Variants in CDYL2 observed in about 807,000 individuals in gnomAD.
CDYL2 encodes the protein chromodomain Y like 2.
Under a neutral mutation model 49.4 loss-of-function variants are expected in CDYL2, and 23 were observed. The ratio of observed to expected loss-of-function variants is 0.47; its 90% CI spans 0.34 to 0.66. The LOEUF is 0.66. Ranked by LOEUF, CDYL2 falls within the 30% of genes least tolerant of loss-of-function variation. The pLI, the probability that CDYL2 is intolerant of heterozygous loss-of-function variation, is 0.01. For missense variants in CDYL2, 678 were observed against 656.4 expected (o/e 1.03, Z -0.36); for synonymous variants, 360 against 268.8 (o/e 1.34, Z -3.32).
At chr16:80,621,713 C>T (rs915081418) in intron 3 of CDYL2, among the ~76,000 whole-genome samples, 13 of 152,202 alleles carry the variant, frequency 8.5e-5, no homozygotes, top group African/African-American at 2.4e-4. Context: ...AGTAAAGGTG[C>T]CATCTGACAT....
intron 1 of CDYL2, among the ~76,000 whole-genome samples, chr16:80,738,953 C>T (rs185965997): frequency 6.6e-5 from 10 of 152,252 alleles, no homozygotes; most frequent in Admixed American, 5.9e-4. Context: ...TTGTCTTCAG[C>T]TGTAAAAGAT....
chr16:80,719,402 C>G (rs73595123), intron 1 of CDYL2, among the ~76,000 whole-genome samples: 158 of 152,254 alleles, frequency 1.0e-3, no homozygotes, highest in African/African-American at 3.6e-3. Context: ...AGTGAGTGCA[C>G]TCAGCACAGG....
At chr16:80,652,101 C>G (rs1908608658) in intron 2 of CDYL2, among the ~76,000 whole-genome samples, 1 of 152,148 alleles carries the variant, frequency 6.6e-6, no homozygotes, top group African/African-American at 2.4e-5. Flanking sequence ...GCTCTCTCAG[C>G]TGAGAGGGCC....
chr16:80,728,559 A>G (rs1392846205), intron 1 of CDYL2, among the ~76,000 whole-genome samples: 1 of 152,180 alleles, frequency 6.6e-6, no homozygotes, highest in African/African-American at 2.4e-5. Context: ...CCAATCTAGC[A>G]AGGCAGGCCA....
rs1006316125 is a variant in CDYL2 at position 80,601,887 on chromosome 16, T to C, written c.*2501A>G. Reference sequence around the variant, plus strand: ...CCTTAATCTTCAGAGATCCTTGAAATGTTTAGAAGTTTGGATTTGATAGTA... The same window carrying C: ...CCTTAATCTTCAGAGATCCTTGAAACGTTTAGAAGTTTGGATTTGATAGTA... On this transcript the variant is annotated 3_prime_UTR_variant, in exon 7 of 7. Transcript: ENST00000570137. The C allele has an allele frequency of 2.0e-5, 3 of 152,168 alleles. No individual in the cohort carries two copies. The highest frequency in any genetic ancestry group is 1.9e-4 in the East Asian group (1 of 5,180). 9.4% of individuals were successfully genotyped at this position (152,168 alleles called of 1,614,324 possible).
intron 1 of CDYL2, among the ~76,000 whole-genome samples, chr16:80,753,802 C>T (rs898205206): frequency 1.3e-5 from 2 of 152,026 alleles, no homozygotes; most frequent in African/African-American, 2.4e-5. Flanking sequence ...ATTAAAATGA[C>T]GAATGTCTGC....
At position 80,599,483 on chromosome 16, in the gene CDYL2, A is replaced by G. The variant is rs1905985020; in HGVS notation, c.*4905T>C. 1 of 152,188 alleles carries G rather than the reference A, an allele frequency of 6.6e-6. No homozygotes were observed. The highest frequency in any genetic ancestry group is 1.5e-5 in the Non-Finnish European group (1 of 68,034). The allele number at this position is 152,188 out of a possible 1,614,324, so 9.4% of individuals were successfully genotyped here. ...AGTCCTGGATAGACATATTCAGCTG[A>G]TATGTTATGTTCTACATTTAGTTTG... On this transcript the variant is annotated 3_prime_UTR_variant, in exon 7 of 7. Coordinates refer to ENST00000570137, the MANE Select transcript of CDYL2 (RefSeq NM_152342.4).
intron 1 of CDYL2, among the ~76,000 whole-genome samples, chr16:80,727,219 G>A (rs1051212905): frequency 2.6e-5 from 4 of 152,238 alleles, no homozygotes; most frequent in Non-Finnish European, 4.4e-5. Context: ...CCAGACAGTG[G>A]GCACAGGTCA....
chr16:80,748,405 T>C (rs1386979221), intron 1 of CDYL2, among the ~76,000 whole-genome samples: 1 of 146,230 alleles, frequency 6.8e-6, no homozygotes, highest in Admixed American at 7.0e-5. Flanking sequence ...CAGGCGCCTG[T>C]AGTACCAGCT....
rs192720969 is a variant in CDYL2 at position 80,782,580 on chromosome 16, G to A, written c.24+21570C>T. ...ACAGGCCAATATCCCTGACAATATA[G>A]ATGCAAAAAATTCTCAACAAAATAC... On this transcript the variant is annotated intron_variant, in intron 1 of 6. Coordinates refer to ENST00000570137, the MANE Select transcript of CDYL2 (RefSeq NM_152342.4). 1.7e-4 allele frequency among the ~76,000 whole-genome samples: 19 copies of A among 111,984 alleles called. No homozygotes were observed. In the East Asian group the frequency reaches 4.2e-3, roughly 25 times the overall value. The allele number at this position is 111,984 out of a possible 152,430, so 73.5% of individuals were successfully genotyped here.
chr16:80,730,753 C>A (rs962440422), intron 1 of CDYL2, among the ~76,000 whole-genome samples: 1 of 152,088 alleles, frequency 6.6e-6, no homozygotes, highest in Non-Finnish European at 1.5e-5. Context: ...TGTATCTAAG[C>A]AATGAGCTAT....
chr16:80,719,582 C>G (rs957607741), intron 1 of CDYL2, among the ~76,000 whole-genome samples: 1 of 152,192 alleles, frequency 6.6e-6, no homozygotes, highest in Non-Finnish European at 1.5e-5. Flanking sequence ...CTGCTTCCAT[C>G]ACATGGGGCC....
chr16:80,722,109 A>G (rs1350671374), intron 1 of CDYL2, among the ~76,000 whole-genome samples: 1 of 152,200 alleles, frequency 6.6e-6, no homozygotes, highest in Non-Finnish European at 1.5e-5. Context: ...TGAGTCATAT[A>G]ATAGAGGTGT....
intron 4 of CDYL2, among the ~76,000 whole-genome samples, chr16:80,619,381 G>T (rs1465997627): frequency 6.6e-6 from 1 of 152,220 alleles, no homozygotes. Flanking sequence ...AGCTGCTCGT[G>T]CATGGAGTGA....
chr16:80,735,226 T>G (rs866083859), intron 1 of CDYL2: 5 of 152,292 alleles, frequency 3.3e-5, no homozygotes, highest in African/African-American at 1.2e-4. Context: ...CAACCAAGAA[T>G]AGATCATGCC....
intron 2 of CDYL2, among the ~76,000 whole-genome samples, chr16:80,669,029 G>A (rs578088650): frequency 2.6e-5 from 4 of 151,736 alleles, no homozygotes; most frequent in African/African-American, 9.7e-5. Context: ...AGAGAGGAGA[G>A]GAAAAAGTAA....
chr16:80,778,187 T>A (rs377123267), intron 1 of CDYL2, among the ~76,000 whole-genome samples: 2 of 152,022 alleles, frequency 1.3e-5, no homozygotes, highest in South Asian at 2.1e-4. Flanking sequence ...CTACTTTATA[T>A]CAATAGCCAC....
intron 1 of CDYL2, among the ~76,000 whole-genome samples, chr16:80,735,810 C>G (rs1597106940): frequency 6.6e-6 from 1 of 152,220 alleles, no homozygotes; most frequent in African/African-American, 2.4e-5. Context: ...AAGAAACCTG[C>G]AGTCAGGGAG....
Position 80,598,447 on chromosome 16 carries a change from A to T in CDYL2, c.*5941T>A, listed in dbSNP as rs1905933306. 2 of 152,208 alleles carry T rather than the reference A, an allele frequency of 1.3e-5. No homozygotes were observed. The highest frequency in any genetic ancestry group is 4.8e-5 in the African/African-American group (2 of 41,458). 9.4% of individuals were successfully genotyped at this position (152,208 alleles called of 1,614,324 possible). Reference sequence around the variant, plus strand: ...TCAATGGATCAATGATTCCATCATGAATGAGAATGGAGAGAGAACTGAAGA... The same window carrying T: ...TCAATGGATCAATGATTCCATCATGTATGAGAATGGAGAGAGAACTGAAGA... On this transcript the variant is annotated 3_prime_UTR_variant, in exon 7 of 7. Coordinates refer to ENST00000570137, the MANE Select transcript of CDYL2 (RefSeq NM_152342.4).
Sources: allele counts gnomAD v4.1 joint callset (sites outside exome capture counted in the v4.1 genomes callset), GRCh38; gene constraint gnomAD v4.1.1; transcripts MANE v1.5; gene names NCBI Gene and HGNC (gene_info 2026-07-23, HGNC 2026-07-21).